GRXCR2: variants seen among roughly 807,000 people sequenced by gnomAD.
The protein encoded by GRXCR2 is glutaredoxin and cysteine rich domain containing 2.
A neutral mutation model predicts 24.8 loss-of-function variants in GRXCR2; 23 were observed. The observed-to-expected ratio is 0.93, with a 90% CI of 0.67 to 1.32. The LOEUF (loss-of-function observed/expected upper bound fraction) is 1.32. Ranked by LOEUF, GRXCR2 falls within the 40% of genes most tolerant of loss-of-function variation. GRXCR2 has a pLI of 0.00. For synonymous variants in GRXCR2, 130 were observed against 116.1 expected (o/e 1.12, Z -0.77); for missense variants, 315 against 303.4 (o/e 1.04, Z -0.28).
chr5:145,887,704 C>T (rs1176103007), intron 2 of GRXCR2, among the ~76,000 whole-genome samples: 1 of 152,138 alleles, frequency 6.6e-6, no homozygotes, highest in Non-Finnish European at 1.5e-5. Context: ...TGATATACAG[C>T]ACATTTGGGG....
At chr5:145,863,844 T>G (rs1011659282) in intron 2 of GRXCR2, among the ~76,000 whole-genome samples, 2 of 152,124 alleles carry the variant, frequency 1.3e-5, no homozygotes, top group African/African-American at 2.4e-5. Flanking sequence ...GGCCAAAGAC[T>G]TCTTACCAGC....
chr5:145,899,240 G>A (rs1286953822), intron 2 of GRXCR2, among the ~76,000 whole-genome samples: 3 of 151,964 alleles, frequency 2.0e-5, no homozygotes, highest in Non-Finnish European at 1.5e-5. Context: ...TAAAAACACT[G>A]CCAAGAGAAA....
chr5:145,876,007 T>G (rs1261590702), upstream of GRXCR2, among the ~76,000 whole-genome samples: 1 of 151,494 alleles, frequency 6.6e-6, no homozygotes, highest in Non-Finnish European at 1.5e-5. Flanking sequence ...CTACAAAAAG[T>G]TTTTTAAAAA....
At chr5:145,882,644 C>A (rs1370194224) in intron 2 of GRXCR2, among the ~76,000 whole-genome samples, 1 of 152,152 alleles carries the variant, frequency 6.6e-6, no homozygotes, top group Non-Finnish European at 1.5e-5. Context: ...ACTAGAATTA[C>A]CATTTGACCC....
chr5:145,861,393 T>G (rs956380953), intron 2 of GRXCR2, among the ~76,000 whole-genome samples: 2 of 152,166 alleles, frequency 1.3e-5, no homozygotes. Flanking sequence ...TTCATGGGCC[T>G]CTCTGTACTT....
chr5:145,889,244 G>GAAAGAAAT (rs1756828339), intron 2 of GRXCR2, among the ~76,000 whole-genome samples: 1 of 147,360 alleles, frequency 6.8e-6, no homozygotes, highest in African/African-American at 2.5e-5. Flanking sequence ...AAGAAAGAAA[G>GAAAGAAAT]AATTATGCAA....
At chr5:145,928,144 A>G (rs1472126311) in intron 2 of GRXCR2, among the ~76,000 whole-genome samples, 6 of 152,012 alleles carry the variant, frequency 3.9e-5, no homozygotes, top group South Asian at 2.1e-4. Flanking sequence ...CAACAGACAC[A>G]TGAAAAAATG....
intron 2 of GRXCR2, among the ~76,000 whole-genome samples, chr5:145,916,541 C>T (rs1266483675): frequency 6.6e-6 from 1 of 152,174 alleles, no homozygotes; most frequent in Non-Finnish European, 1.5e-5. Flanking sequence ...AGGGAAAGTC[C>T]TCCTTGTCAC....
chr5:145,888,005 G>T (rs567179218), intron 2 of GRXCR2, among the ~76,000 whole-genome samples: 102 of 152,082 alleles, frequency 6.7e-4, no homozygotes, highest in Non-Finnish European at 1.2e-3. Flanking sequence ...CATTATATTG[G>T]TTTTTTAAAG....
At chr5:145,893,182 C>T (rs988912424) in intron 2 of GRXCR2, among the ~76,000 whole-genome samples, 3 of 152,280 alleles carry the variant, frequency 2.0e-5, no homozygotes, top group African/African-American at 7.2e-5. Flanking sequence ...AAAAACATGC[C>T]AAATTGTAAA....
At chr5:145,885,025 C>A (rs1204011075) in intron 2 of GRXCR2, among the ~76,000 whole-genome samples, 1 of 151,966 alleles carries the variant, frequency 6.6e-6, no homozygotes, top group Admixed American at 6.6e-5. Context: ...CATTTCTAAT[C>A]AGAGTAGGGC....
At chr5:145,883,791 A>C (rs1265502828) in intron 2 of GRXCR2, among the ~76,000 whole-genome samples, 2 of 152,112 alleles carry the variant, frequency 1.3e-5, no homozygotes, top group Non-Finnish European at 2.9e-5. Context: ...GCTGAGGTGG[A>C]GTGAAAGGAT....
chr5:145,930,124 A>C (rs990188257), intron 2 of GRXCR2, among the ~76,000 whole-genome samples: 1 of 151,984 alleles, frequency 6.6e-6, no homozygotes, highest in African/African-American at 2.4e-5. Context: ...TTGCTTTGTC[A>C]CCCAGGCTGG....
chr5:145,910,732 A>T (rs1389797407), intron 2 of GRXCR2, among the ~76,000 whole-genome samples: 1 of 152,222 alleles, frequency 6.6e-6, no homozygotes, highest in Non-Finnish European at 1.5e-5. Context: ...AGTGCTATGA[A>T]GAAAACTCAT....
chr5:145,905,622 T>C (rs116370417), intron 2 of GRXCR2, among the ~76,000 whole-genome samples: 2,181 of 152,188 alleles, frequency 0.014, 55 homozygotes, highest in African/African-American at 0.05. Context: ...AATAAAGTAT[T>C]ATGGAGAGAG....
intron 1 of GRXCR2, among the ~76,000 whole-genome samples, chr5:145,867,104 T>C (rs1175592285): frequency 6.6e-6 from 1 of 152,198 alleles, no homozygotes; most frequent in Non-Finnish European, 1.5e-5. Flanking sequence ...ATCTCTCCAA[T>C]TTTTTACCAG....
At chr5:145,860,894 C>G (rs1285305628) in intron 2 of GRXCR2, among the ~76,000 whole-genome samples, 1 of 152,050 alleles carries the variant, frequency 6.6e-6, no homozygotes, top group Non-Finnish European at 1.5e-5. Context: ...TTCTCCTAAG[C>G]CTTGCTAACA....
At position 145,859,886 on chromosome 5, in the gene GRXCR2, A is replaced by G. The variant is rs1363352262; in HGVS notation, c.594T>C (p.Phe198=). 1 of 1,598,414 alleles carries G rather than the reference A, an allele frequency of 6.3e-7. No homozygotes were observed. Among genetic ancestry groups the G allele is most frequent in the Admixed American group, 1.7e-5 (1 of 57,788 alleles). The change falls in exon 3 of 3, where the codon TTT becomes TTC. Residue 198 remains phenylalanine, a synonymous_variant. Coordinates refer to ENST00000377976, the MANE Select transcript of GRXCR2 (RefSeq NM_001080516.2). ...QEGDIPEDSC[F]HCRGSGSATC... is the part of the protein sequence containing the mutation. ...TGGCACTGCCCGACCCTCGGCAGTGAAAACAGCTGTCCTCGGGAATATCCC... is the reference window on the plus strand; with the variant it reads ...TGGCACTGCCCGACCCTCGGCAGTGGAAACAGCTGTCCTCGGGAATATCCC...
At chr5:145,893,478 C>A (rs1209146294) in intron 2 of GRXCR2, among the ~76,000 whole-genome samples, 1 of 152,108 alleles carries the variant, frequency 6.6e-6, no homozygotes, top group Non-Finnish European at 1.5e-5. Context: ...GCAGGGGTTG[C>A]AATCCTAGTC....
Sources: gnomAD v4.1 joint callset for allele counts (sites outside exome capture counted in the v4.1 genomes callset) on GRCh38, gnomAD v4.1.1 for gene constraint, MANE v1.5 for transcripts, NCBI Gene and HGNC (gene_info 2026-07-23, HGNC 2026-07-21) for gene names.